Variants in SORL1 observed in about 807,000 individuals in gnomAD.
SORL1 encodes the protein sortilin related receptor 1.
In SORL1, 127 loss-of-function variants were observed where a neutral mutation model predicts 273.7. The observed-to-expected ratio is 0.46, with a 90% CI of 0.40 to 0.54. The LOEUF (loss-of-function observed/expected upper bound fraction) is 0.54. Among genes scored for constraint, SORL1 ranks in the 20% least tolerant of loss-of-function variants. SORL1 has a pLI of 0.00. For synonymous variants in SORL1, 1,031 were observed against 1,067.4 expected, an observed-to-expected ratio of 0.97 and a Z score of 0.66; for missense variants, 2,494 against 2,846.1, an observed-to-expected ratio of 0.88 and a Z score of 2.81.
chr11:121,495,207 G>A (rs1043418023), intron 5 of SORL1, among the ~76,000 whole-genome samples: 1 of 152,136 alleles, frequency 6.6e-6, no homozygotes, highest in African/African-American at 2.4e-5. Flanking sequence ...AGCCTCCTGA[G>A]TAGCTGGGGC....
intron 22 of SORL1, among the ~76,000 whole-genome samples, chr11:121,568,406 G>C (rs1226434095): frequency 3.3e-5 from 5 of 152,170 alleles, no homozygotes; most frequent in Admixed American, 1.3e-4. Flanking sequence ...CAAGAGAAGG[G>C]GAAGAAAGCT....
At chr11:121,585,153 C>T (rs926233863) in intron 26 of SORL1, among the ~76,000 whole-genome samples, 9 of 152,196 alleles carry the variant, frequency 5.9e-5, no homozygotes, top group Non-Finnish European at 1.3e-4. Context: ...TCATATTGTG[C>T]TTTTTCTATT....
chr11:121,620,920 A>C, intron 43 of SORL1, 144 bp from the exon 44 acceptor site: 1 of 615,788 alleles, frequency 1.6e-6, no homozygotes, highest in East Asian at 2.8e-5. Context: ...AGGCCTTCCA[A>C]AGAATGGAGT....
intron 6 of SORL1, among the ~76,000 whole-genome samples, chr11:121,507,020 A>ATGAAATC (rs1251704204): frequency 1.3e-5 from 2 of 152,178 alleles, no homozygotes; most frequent in Non-Finnish European, 2.9e-5. Flanking sequence ...ATCTTAATTT[A>ATGAAATC]TGAAATCTAA....
intron 6 of SORL1, among the ~76,000 whole-genome samples, chr11:121,504,497 AT>A (rs575742222): frequency 2.7e-3 from 417 of 152,302 alleles, no homozygotes; most frequent in African/African-American, 9.6e-3. Flanking sequence ...TTCATTGCTA[AT>A]ATATAGAACA....
At chr11:121,617,889 C>A (rs142606080) in intron 41 of SORL1, among the ~76,000 whole-genome samples, 1 of 152,170 alleles carries the variant, frequency 6.6e-6, no homozygotes, top group African/African-American at 2.4e-5. Flanking sequence ...CAGTTTATTT[C>A]CTCTTGTAAT....
intron 8 of SORL1, among the ~76,000 whole-genome samples, chr11:121,518,409 T>G (rs1313186795): frequency 6.6e-6 from 1 of 151,994 alleles, no homozygotes; most frequent in African/African-American, 2.4e-5. Context: ...TGAAGGAGCA[T>G]GTGAGGTACA....
rs1192465221 is a variant in SORL1, at chr11:121,611,058, A to T, written c.5240-18A>T. The T allele has an allele frequency of 6.3e-7, 1 of 1,593,070 alleles. No individual in the cohort carries two copies. Among genetic ancestry groups the T allele is most frequent in the African/African-American group, 1.3e-5 (1 of 74,474 alleles). The stretch of plus-strand genomic sequence containing the variant: ...TTCATCACGTGGCTTCTGTTTTTGA[A>T]TTCCTTTTTGTTTTCAGTGATCCCA... On this transcript the variant is annotated intron_variant, in intron 38 of 47. Transcript: ENST00000260197.
chr11:121,528,783 G>T (rs2134866964), intron 11 of SORL1, among the ~76,000 whole-genome samples: 1 of 152,296 alleles, frequency 6.6e-6, no homozygotes, highest in South Asian at 2.1e-4. Context: ...TTGAGATCCA[G>T]CCTGTGGTCT....
chr11:121,548,270 G>T (rs1862462104), intron 14 of SORL1, among the ~76,000 whole-genome samples: 1 of 152,178 alleles, frequency 6.6e-6, no homozygotes, highest in African/African-American at 2.4e-5. Context: ...AGTCCACTAG[G>T]TCATGACCTA....
intron 10 of SORL1, 36 bp from the exon 11 acceptor site, chr11:121,522,880 T>C: frequency 6.4e-7 from 1 of 1,572,746 alleles, no homozygotes; most frequent in Non-Finnish European, 8.8e-7. Context: ...TGACATATTC[T>C]TGAAATTAAA....
intron 45 of SORL1, among the ~76,000 whole-genome samples, chr11:121,622,902 G>C (rs955576651): frequency 6.6e-6 from 1 of 152,238 alleles, no homozygotes; most frequent in African/African-American, 2.4e-5. Flanking sequence ...AGACAGCAAA[G>C]CCTTTGCTAA....
At position 121,627,643 on chromosome 11, in the gene SORL1, G is replaced by C. The variant is rs779295923; in HGVS notation, c.6453G>C (p.Leu2151=). 6 of 1,614,106 alleles carry C rather than the reference G, an allele frequency of 3.7e-6. No homozygotes were observed. Among genetic ancestry groups the C allele is most frequent in the Non-Finnish European group, 5.1e-6 (6 of 1,179,974 alleles). Residue 2151 remains leucine (L), a synonymous_variant, in exon 47 of 48, where the codon CTG becomes CTC. Coordinates refer to ENST00000260197, the MANE Select transcript of SORL1 (RefSeq NM_003105.6). The surrounding 1 kb of genome is among the most constrained non-coding windows in gnomAD (Gnocchi z 4.9). The part of the protein sequence containing the change: ...VPILFLILLS[L]GVGFAILYTK... ...TCTTATTCCTGATACTGCTGAGCCT[G>C]GGGGTGGGGTTTGCCATCCTGTACA...
intron 9 of SORL1, 98 bp from the exon 10 acceptor site, chr11:121,522,488 C>G: frequency 1.1e-6 from 1 of 881,650 alleles, no homozygotes; most frequent in Non-Finnish European, 1.9e-6. Context: ...CTCCTTGCCC[C>G]GTGTCAGCTG....
chr11:121,604,266 G>C lies in SORL1; in HGVS notation c.4593G>C (p.Ser1531=). 2 of 1,614,072 alleles carry C rather than the reference G, an allele frequency of 1.2e-6. No homozygotes were observed. The highest frequency in any genetic ancestry group is 2.7e-5 in the African/African-American group (2 of 75,010). Residue 1531 remains serine, a synonymous_variant, in exon 33 of 48, where the codon TCG becomes TCC. Coordinates refer to ENST00000260197, the MANE Select transcript of SORL1 (RefSeq NM_003105.6). ...CEDGEACIVL[S]ERCDGFLDCS... is the part of the protein sequence containing the mutation. ...ACGGGGAGGCCTGCATTGTGCTCTCGGAGCGCTGCGACGGCTTCCTGGACT... is the reference window on the plus strand; with the variant it reads ...ACGGGGAGGCCTGCATTGTGCTCTCCGAGCGCTGCGACGGCTTCCTGGACT...
chr11:121,453,532 G>A (rs1860847890), intron 1 of SORL1, among the ~76,000 whole-genome samples: 1 of 151,954 alleles, frequency 6.6e-6, no homozygotes, highest in African/African-American at 2.4e-5. Flanking sequence ...CGGTGGGGGA[G>A]AAAAAGTAGG....
At chr11:121,559,860 C>A (rs899449081) in intron 21 of SORL1, among the ~76,000 whole-genome samples, 4 of 152,220 alleles carry the variant, frequency 2.6e-5, no homozygotes, top group Non-Finnish European at 5.9e-5. Context: ...ATGCTTTTGC[C>A]TGCCTAGAGT....
chr11:121,478,212 A>G lies in SORL1; in HGVS notation c.497A>G (p.Gln166Arg). The change falls in exon 3 of 48, where the codon CAG (glutamine) becomes CGG (arginine). Residue 166 changes from glutamine to arginine, a missense_variant. This residue lies in a region of SORL1 where 710 missense variants were observed against 882.5 expected (regional missense o/e 0.80). Transcript: ENST00000260197. ...AATAGGAGTGAAGCTGTTATCGCCC[A>G]GTTCTACCACAGCCCTGCGGACAAC... ...LGNRSEAVIA[Q>R]FYHSPADNKR... is the part of the protein sequence containing the mutation. 1 of 1,614,182 alleles carries G rather than the reference A, an allele frequency of 6.2e-7. No individual in the cohort carries two copies. The highest frequency in any genetic ancestry group is 8.5e-7 in the Non-Finnish European group (1 of 1,180,034).
At chr11:121,529,121 A>G (rs1862165004) in intron 11 of SORL1, among the ~76,000 whole-genome samples, 1 of 152,156 alleles carries the variant, frequency 6.6e-6, no homozygotes, top group Admixed American at 6.5e-5. Context: ...ATCATTATGA[A>G]CTATCTCTCT....
Sources: gnomAD v4.1 joint callset for allele counts (sites outside exome capture counted in the v4.1 genomes callset) on GRCh38, gnomAD v4.1.1 for gene constraint, gnomAD v4.1.1 regional missense constraint, Gnocchi (gnomAD v3.1) non-coding constraint, MANE v1.5 for transcripts, NCBI Gene and HGNC (gene_info 2026-07-23, HGNC 2026-07-21) for gene names.